The following ZFYVE9 variants were observed in gnomAD, a reference collection of about 807,000 sequenced individuals.
The protein encoded by ZFYVE9 is zinc finger FYVE domain-containing protein 9.
In ZFYVE9, 43 loss-of-function variants were observed where a neutral mutation model predicts 126.7. The observed-to-expected ratio is 0.34, with a 90% CI of 0.27 to 0.44. The LOEUF is 0.44. Among genes scored for constraint, ZFYVE9 ranks in the 20% least tolerant of loss-of-function variants. The probability of loss-of-function intolerance (pLI) is 1.00; values close to 1 mark genes in which losing one functional copy is unlikely to be tolerated. For missense variants in ZFYVE9, 1,476 were observed against 1,697.0 expected (o/e 0.87, Z 2.29); for synonymous variants, 521 against 597.4 (o/e 0.87, Z 1.87).
chr1:52,239,586 A>C lies in ZFYVE9; in HGVS notation c.2169A>C (p.Ala723=), dbSNP rs1645313341. The C allele has an allele frequency of 6.2e-7, 1 of 1,610,106 alleles. No homozygotes were observed. The highest frequency in any genetic ancestry group is 1.3e-5 in the African/African-American group (1 of 74,842). ...TFTKRRHHCR[A]CGKVFCASCC... is the part of the protein sequence containing the mutation. Reference sequence around the variant, plus strand: ...CCAAAAGGAGGCATCACTGCAGAGCATGTGGGAAGGTAAGTTGCATGTATA... The same window carrying C: ...CCAAAAGGAGGCATCACTGCAGAGCCTGTGGGAAGGTAAGTTGCATGTATA... The change falls in exon 4 of 19, where the codon GCA becomes GCC. Residue 723 remains alanine, a synonymous_variant. Transcript: ENST00000287727.
At chr1:52,308,477 C>A (rs563013059) in intron 13 of ZFYVE9, among the ~76,000 whole-genome samples, 22 of 152,200 alleles carry the variant, frequency 1.4e-4, no homozygotes, top group African/African-American at 5.3e-4. Flanking sequence ...ATCACTACAC[C>A]CGGCCATAAT....
At chr1:52,342,159 C>T (rs1646443025) in intron 17 of ZFYVE9, among the ~76,000 whole-genome samples, 1 of 152,176 alleles carries the variant, frequency 6.6e-6, no homozygotes, top group Non-Finnish European at 1.5e-5. Flanking sequence ...GGCTTCGGAG[C>T]TGCCTCCTTT....
chr1:52,284,087 T>G (rs1458424212), intron 10 of ZFYVE9, among the ~76,000 whole-genome samples: 1 of 151,770 alleles, frequency 6.6e-6, no homozygotes, highest in African/African-American at 2.4e-5. Context: ...AGCACCTAAG[T>G]GTATGTTGGT....
chr1:52,171,166 A>G (rs1278118921), intron 1 of ZFYVE9, among the ~76,000 whole-genome samples: 1 of 148,950 alleles, frequency 6.7e-6, no homozygotes, highest in African/African-American at 2.5e-5. Context: ...CCCACCCCAC[A>G]ACAGTCCCCA....
intron 1 of ZFYVE9, among the ~76,000 whole-genome samples, chr1:52,204,888 A>G (rs1644958655): frequency 2.0e-5 from 3 of 151,998 alleles, no homozygotes; most frequent in East Asian, 1.9e-4. Flanking sequence ...GAAGTTTTTA[A>G]CTCGCAGAGT....
intron 17 of ZFYVE9, among the ~76,000 whole-genome samples, chr1:52,340,970 G>A (rs1389792068): frequency 1.3e-5 from 2 of 149,176 alleles, no homozygotes; most frequent in East Asian, 3.9e-4. Context: ...TGTAATCCCA[G>A]CACTTTGAGG....
Position 52,330,928 on chromosome 1 carries a change from G to A in ZFYVE9, c.3439-1840G>A, listed in dbSNP as rs919222630. Among the ~76,000 whole-genome samples the A allele has an allele frequency of 1.3e-4, 20 of 152,114 alleles. 1 individual carries two copies. The highest frequency in any genetic ancestry group is 3.6e-4 in the African/African-American group (15 of 41,492). ...GTTCCCCAGGCTGGAGTGTAGTAGC[G>A]CAATCTTGGCTCACTGCAGCCTCCA... On this transcript the variant is annotated intron_variant, in intron 13 of 18. Coordinates refer to ENST00000287727, the MANE Select transcript of ZFYVE9 (RefSeq NM_004799.4).
intron 1 of ZFYVE9, among the ~76,000 whole-genome samples, chr1:52,211,506 T>G (rs948867166): frequency 6.6e-6 from 1 of 152,172 alleles, no homozygotes; most frequent in Non-Finnish European, 1.5e-5. Flanking sequence ...GTTTGAACAC[T>G]TTGTCAGACT....
rs780458326 is a variant in ZFYVE9 at position 52,233,205 on chromosome 1, C to T, written c.-2C>T. 1.6e-5 allele frequency: 25 copies of T among 1,571,906 alleles called. No homozygotes were observed. The highest frequency in any genetic ancestry group is 2.4e-5 in the South Asian group (2 of 82,544). On this transcript the variant is annotated 5_prime_UTR_variant, in exon 3 of 19. Coordinates refer to ENST00000287727, the MANE Select transcript of ZFYVE9 (RefSeq NM_004799.4). The stretch of plus-strand genomic sequence containing the variant: ...AGTCTCTTAAGTGGTGTTTCCTCAC[C>T]GATGGAGAATTACTTCCAAGCAGAA...
At chr1:52,255,752 G>A (rs1483470325) in intron 4 of ZFYVE9, among the ~76,000 whole-genome samples, 1 of 151,964 alleles carries the variant, frequency 6.6e-6, no homozygotes, top group Non-Finnish European at 1.5e-5. Context: ...AATTAGCTGG[G>A]TATTGCGGCG....
At chr1:52,170,996 G>A (rs1435261981) in intron 1 of ZFYVE9, among the ~76,000 whole-genome samples, 1 of 151,470 alleles carries the variant, frequency 6.6e-6, no homozygotes, top group South Asian at 2.1e-4. Context: ...GATTAAGTCC[G>A]ATGGTTTTTT....
At chr1:52,263,301 A>T (rs1364370258) in intron 4 of ZFYVE9, among the ~76,000 whole-genome samples, 1 of 152,188 alleles carries the variant, frequency 6.6e-6, no homozygotes, top group African/African-American at 2.4e-5. Flanking sequence ...CATAGCAAAA[A>T]CAGTGAAAAC....
chr1:52,320,081 A>ATT (rs34563389), intron 13 of ZFYVE9, among the ~76,000 whole-genome samples: 22 of 146,936 alleles, frequency 1.5e-4, no homozygotes, highest in African/African-American at 4.5e-4. Flanking sequence ...TAAGACCTTT[A>ATT]TTTTTTTTGA....
intron 1 of ZFYVE9, among the ~76,000 whole-genome samples, chr1:52,204,165 A>G (rs1274032683): frequency 6.6e-6 from 1 of 151,908 alleles, no homozygotes; most frequent in Non-Finnish European, 1.5e-5. Flanking sequence ...ACTGCTGAAA[A>G]TAGGCCTTTA....
chr1:52,278,688 T>G lies in ZFYVE9; in HGVS notation c.2869+74T>G. ...TAGTACATAAAACTTTCAGATTTAT[T>G]ACACACAAGTATTTTTATATAGAGC... On this transcript the variant is annotated intron_variant, in intron 9 of 18. Coordinates refer to ENST00000287727, the MANE Select transcript of ZFYVE9 (RefSeq NM_004799.4). 4 of 1,055,336 alleles carry G rather than the reference T, an allele frequency of 3.8e-6. No individual in the cohort carries two copies. The East Asian group carries it at 1.1e-4, about 29-fold the overall frequency. The allele number at this position is 1,055,336 out of a possible 1,614,324, so 65.4% of individuals were successfully genotyped here. A position where few individuals can be genotyped will look rare whatever the true frequency, so the allele number is the denominator to read the frequency against.
At chr1:52,176,162 A>G (rs1027896869) in intron 1 of ZFYVE9, among the ~76,000 whole-genome samples, 16 of 152,308 alleles carry the variant, frequency 1.1e-4, no homozygotes, top group Admixed American at 8.5e-4. Flanking sequence ...GGTGATGTAC[A>G]GATGGGTTTT....
chr1:52,180,441 G>A, intron 1 of ZFYVE9: 4 of 1,328,866 alleles, frequency 3.0e-6, no homozygotes, highest in South Asian at 2.3e-5. Flanking sequence ...TGAATCTGGA[G>A]CAATTAAGAG....
chr1:52,248,167 GA>G (rs1421839584), intron 4 of ZFYVE9, among the ~76,000 whole-genome samples: 1 of 152,152 alleles, frequency 6.6e-6, no homozygotes, highest in East Asian at 1.9e-4. Context: ...GCCCAAGTTT[GA>G]AAGCCTCAAA....
chr1:52,329,420 C>G (rs1442691640), intron 13 of ZFYVE9, among the ~76,000 whole-genome samples: 2 of 151,992 alleles, frequency 1.3e-5, no homozygotes, highest in Non-Finnish European at 2.9e-5. Context: ...CTTTCGTGAC[C>G]TTGGATTTGG....
Sources: gnomAD v4.1 joint callset for allele counts (sites outside exome capture counted in the v4.1 genomes callset) on GRCh38, gnomAD v4.1.1 for gene constraint, MANE v1.5 for transcripts, NCBI Gene and HGNC (gene_info 2026-07-23, HGNC 2026-07-21) for gene names.